The following LRRC75A variants were observed in gnomAD, a reference collection of about 807,000 sequenced individuals.
LRRC75A encodes leucine-rich repeat-containing protein 75A.
Under a neutral mutation model 26.0 loss-of-function variants are expected in LRRC75A, and 12 were observed. The observed-to-expected ratio is 0.46, with a 90% confidence interval of 0.30 to 0.75. The LOEUF is 0.75. Among genes scored for constraint, LRRC75A ranks in the 30% least tolerant of loss-of-function variants. LRRC75A has a pLI of 0.08. For missense variants in LRRC75A, 410 were observed against 486.6 expected, an observed-to-expected ratio of 0.84 and a Z score of 1.48; for synonymous variants, 223 against 219.3, an observed-to-expected ratio of 1.02 and a Z score of -0.15.
In LRRC75A at chr17:16,442,869, T is replaced by G. The variant is rs1424540811; in HGVS notation, c.*719A>C. On this transcript the variant is annotated 3_prime_UTR_variant, in exon 4 of 4. Transcript: ENST00000470794. ...GCCAGCAGTGGGTAGGGAAGGTGGA[T>G]AGGGGATTTCTGAACAGGACTTTAT... The G allele has an allele frequency of 2.6e-5, 4 of 152,236 alleles. No homozygotes were observed. Among genetic ancestry groups the G allele is most frequent in the African/African-American group, 9.7e-5 (4 of 41,448 alleles). The allele number at this position is 152,236 out of a possible 1,614,324, so 9.4% of individuals were successfully genotyped here.
Position 16,441,768 on chromosome 17 carries a change from C to T in LRRC75A, c.*1820G>A, listed in dbSNP as rs1568939313. On this transcript the variant is annotated 3_prime_UTR_variant, in exon 4 of 4. Transcript: ENST00000470794. ...AGACGGATTCTCTATGTTGCCCAGG[C>T]TGGTCTCAGGCTCCTGGGCTCAGAT... 1 of 215,702 alleles carries T rather than the reference C, an allele frequency of 4.6e-6. No homozygotes were observed. The highest frequency in any genetic ancestry group is 1.2e-4 in the East Asian group (1 of 8,344). The allele number at this position is 215,702 out of a possible 1,614,324, so 13.4% of individuals were successfully genotyped here.
At chr17:16,480,285 G>C (rs114807209) in intron 1 of LRRC75A, among the ~76,000 whole-genome samples, 1,938 of 152,094 alleles carry the variant, frequency 0.013, 36 homozygotes, top group African/African-American at 0.044. Context: ...CCCCCACCCC[G>C]GGCCATGGAA....
intron 1 of LRRC75A, among the ~76,000 whole-genome samples, chr17:16,482,989 C>T (rs1331029810): frequency 6.6e-6 from 1 of 152,194 alleles, no homozygotes; most frequent in Admixed American, 6.5e-5. Context: ...GGAGTGGGGA[C>T]AGGCTCCATC....
At chr17:16,449,076 C>CAGTGCTGAGGCTTGGATGCA (rs1303065183) in intron 2 of LRRC75A, among the ~76,000 whole-genome samples, 5 of 152,156 alleles carry the variant, frequency 3.3e-5, no homozygotes, top group African/African-American at 7.2e-5. Context: ...GCCAGTGGGC[C>CAGTGCTGAGGCTTGGATGCA]AGTGCTGAGG....
rs529687498 is a variant in LRRC75A, at chr17:16,444,170, G to A, written c.492-39C>T. On this transcript the variant is annotated intron_variant, in intron 3 of 3. Coordinates refer to ENST00000470794, the MANE Select transcript of LRRC75A (RefSeq NM_001113567.3). ...GGACAAACAAGGCTCAGGCACATAG[G>A]GCAGGCCTTTCCCCCAGAAGCTGCA... is the stretch of plus-strand genomic sequence containing the variant. The A allele has an allele frequency of 4.7e-5, 71 of 1,498,964 alleles. No homozygotes were observed. In the East Asian group the frequency reaches 1.6e-3, roughly 33 times the overall value. 92.9% of individuals were successfully genotyped at this position (1,498,964 alleles called of 1,614,324 possible). A position where few individuals can be genotyped will look rare whatever the true frequency, so the allele number is the denominator to read the frequency against.
intron 1 of LRRC75A, among the ~76,000 whole-genome samples, chr17:16,472,914 T>C (rs753940263): frequency 2.6e-5 from 4 of 152,204 alleles, no homozygotes; most frequent in Non-Finnish European, 5.9e-5. Flanking sequence ...GAACACTGGT[T>C]ATGTTAAATT....
intron 1 of LRRC75A, among the ~76,000 whole-genome samples, chr17:16,469,861 G>A (rs2093797056): frequency 6.6e-6 from 1 of 152,216 alleles, no homozygotes; most frequent in Admixed American, 6.5e-5. Flanking sequence ...AGAGGATGAA[G>A]GGAGAGGGGA....
In LRRC75A at chr17:16,462,655, A is replaced by C. The variant is rs1423798825; in HGVS notation, c.247-269T>G. Among the ~76,000 whole-genome samples the C allele has an allele frequency of 6.6e-6, 1 of 152,088 alleles. No individual in the cohort carries two copies. The highest frequency in any genetic ancestry group is 1.5e-5 in the Non-Finnish European group (1 of 68,010). On this transcript the variant is annotated intron_variant, in intron 1 of 3. Transcript: ENST00000470794. This position sits in a 1 kb window ranked among gnomAD's most constrained non-coding sequence, Gnocchi z 4.6. ...TGGCCCTCTCCTAGGACAGCCCCTG[A>C]CCTTTGTCTCTCTGGTTTTCCAGAG... is the stretch of plus-strand genomic sequence containing the variant.
intron 1 of LRRC75A, among the ~76,000 whole-genome samples, chr17:16,487,449 G>A (rs1039574355): frequency 2.6e-5 from 4 of 152,174 alleles, no homozygotes; most frequent in Admixed American, 6.5e-5. Context: ...CTTGAGGGGT[G>A]AGTTAAACTC....
chr17:16,480,761 G>A (rs1183481872), intron 1 of LRRC75A, among the ~76,000 whole-genome samples: 1 of 152,154 alleles, frequency 6.6e-6, no homozygotes, highest in East Asian at 1.9e-4. Flanking sequence ...CAGGGAAGGG[G>A]CAGCACAGGT....
At chr17:16,465,078 G>A (rs2093757763) in intron 1 of LRRC75A, among the ~76,000 whole-genome samples, 1 of 152,242 alleles carries the variant, frequency 6.6e-6, no homozygotes, top group African/African-American at 2.4e-5. Context: ...GCCACGGGGA[G>A]GAGGCCAGAG....
At chr17:16,474,807 C>T (rs1435707987) in intron 1 of LRRC75A, among the ~76,000 whole-genome samples, 2 of 151,800 alleles carry the variant, frequency 1.3e-5, no homozygotes, top group Non-Finnish European at 2.9e-5. Flanking sequence ...TCCTGGCTAA[C>T]ATGGTGAAAC....
intron 1 of LRRC75A, among the ~76,000 whole-genome samples, chr17:16,465,080 A>G (rs1361316285): frequency 6.6e-6 from 1 of 152,194 alleles, no homozygotes; most frequent in Non-Finnish European, 1.5e-5. Context: ...CACGGGGAGG[A>G]GGCCAGAGGC....
chr17:16,488,306 C>T (rs548610271), intron 1 of LRRC75A, among the ~76,000 whole-genome samples: 44 of 152,332 alleles, frequency 2.9e-4, no homozygotes, highest in African/African-American at 9.9e-4. Context: ...CACGAGCATT[C>T]GCTCCAGATG....
At chr17:16,466,183 A>G (rs1353084688) in intron 1 of LRRC75A, among the ~76,000 whole-genome samples, 1 of 152,070 alleles carries the variant, frequency 6.6e-6, no homozygotes, top group Non-Finnish European at 1.5e-5. Context: ...GCTATTGGAG[A>G]TGATGGTGTC....
intron 1 of LRRC75A, among the ~76,000 whole-genome samples, chr17:16,476,999 A>G (rs936084703): frequency 4.7e-5 from 7 of 149,096 alleles, no homozygotes; most frequent in Non-Finnish European, 1.0e-4. Flanking sequence ...TGGCCTCCCA[A>G]AGTGCTGGGA....
At chr17:16,489,872 C>T (rs1046115811) in intron 1 of LRRC75A, among the ~76,000 whole-genome samples, 2 of 152,280 alleles carry the variant, frequency 1.3e-5, no homozygotes, top group Non-Finnish European at 2.9e-5. Context: ...CCTCCCACCC[C>T]CCCATCAGCC....
At position 16,442,464 on chromosome 17, in the gene LRRC75A, A is replaced by G. The variant is rs1425281704; in HGVS notation, c.*1124T>C. On this transcript the variant is annotated 3_prime_UTR_variant, in exon 4 of 4. Transcript: ENST00000470794. ...GATCTAGGGGTTGCCTGTTATTTAG[A>G]AGAGATCCCTTAACTGGTAGGGCCC... is the stretch of plus-strand genomic sequence containing the variant. The G allele has an allele frequency of 6.6e-6, 1 of 152,242 alleles. No individual in the cohort carries two copies. The highest frequency in any genetic ancestry group is 1.5e-5 in the Non-Finnish European group (1 of 68,064). The allele number at this position is 152,242 out of a possible 1,614,324, so 9.4% of individuals were successfully genotyped here. A position where few individuals can be genotyped will look rare whatever the true frequency, so the allele number is the denominator to read the frequency against.
intron 2 of LRRC75A, among the ~76,000 whole-genome samples, chr17:16,459,953 G>A (rs1047528710): frequency 3.3e-5 from 5 of 152,190 alleles, no homozygotes; most frequent in Non-Finnish European, 7.3e-5. Flanking sequence ...TGTTGAAGTG[G>A]TCTGAGGAAG....
Sources: allele counts gnomAD v4.1 joint callset (sites outside exome capture counted in the v4.1 genomes callset), GRCh38; gene constraint gnomAD v4.1.1; non-coding constraint Gnocchi (gnomAD v3.1); transcripts MANE v1.5; gene names NCBI Gene and HGNC (gene_info 2026-07-23, HGNC 2026-07-21).